GRAMD1B: variants seen among roughly 807,000 people sequenced by gnomAD.
GRAMD1B encodes the protein GRAM domain containing 1B.
A neutral mutation model predicts 99.7 loss-of-function variants in GRAMD1B; 37 were observed. The ratio of observed to expected loss-of-function variants is 0.37; its 90% confidence interval spans 0.29 to 0.49. The LOEUF is 0.49. Ranked by LOEUF, GRAMD1B falls within the 20% of genes least tolerant of loss-of-function variation. The pLI is 0.98. For synonymous variants in GRAMD1B, 427 were observed against 387.6 expected, an observed-to-expected ratio of 1.10 and a Z score of -1.19; for missense variants, 888 against 1,009.2, an observed-to-expected ratio of 0.88 and a Z score of 1.63.
At chr11:123,377,610 G>A (rs1022556704) in intron 1 of GRAMD1B, among the ~76,000 whole-genome samples, 4 of 152,186 alleles carry the variant, frequency 2.6e-5, no homozygotes, top group African/African-American at 9.6e-5. Context: ...CTATTGTCCT[G>A]CTCTGTTTAT....
At position 123,439,204 on chromosome 11, in the gene GRAMD1B, C is replaced by T. The variant is rs796449255; in HGVS notation, c.374+8038C>T. ...GTGTCCTCTCAGAGGAGACTTGTTT[C>T]GGGTCTCTCAGGGACTCAGAACAGA... On this transcript the variant is annotated intron_variant, in intron 1 of 19. Transcript: ENST00000635736. Among the ~76,000 whole-genome samples the T allele has an allele frequency of 7.9e-5, 12 of 152,110 alleles. No individual in the cohort carries two copies. In the South Asian group the frequency reaches 1.0e-3, roughly 13 times the overall value.
intron 1 of GRAMD1B, among the ~76,000 whole-genome samples, chr11:123,408,319 G>T (rs1415257055): frequency 6.6e-6 from 1 of 152,184 alleles, no homozygotes; most frequent in Non-Finnish European, 1.5e-5. Flanking sequence ...AAAACCAGTT[G>T]GGATTTTTCT....
intron 1 of GRAMD1B, among the ~76,000 whole-genome samples, chr11:123,457,264 T>A (rs1950202754): frequency 6.6e-6 from 1 of 152,078 alleles, no homozygotes; most frequent in Non-Finnish European, 1.5e-5. Flanking sequence ...AGGACACACT[T>A]ATCAAATGAG....
intron 2 of GRAMD1B, among the ~76,000 whole-genome samples, chr11:123,563,839 C>T (rs1374462339): frequency 6.6e-6 from 1 of 152,030 alleles, no homozygotes; most frequent in Non-Finnish European, 1.5e-5. Context: ...GATTTCGTAC[C>T]CTGAATGTAT....
chr11:123,599,933 T>C (rs1000117779), intron 7 of GRAMD1B, among the ~76,000 whole-genome samples: 1 of 152,268 alleles, frequency 6.6e-6, no homozygotes, highest in Non-Finnish European at 1.5e-5. Flanking sequence ...TTGTGGTTGA[T>C]CAGTAAAATC....
chr11:123,472,421 G>A (rs953699767), intron 1 of GRAMD1B, among the ~76,000 whole-genome samples: 8 of 152,114 alleles, frequency 5.3e-5, no homozygotes, highest in African/African-American at 1.2e-4. Flanking sequence ...TGGCTCAAGC[G>A]TTCCTCCCAC....
At chr11:123,541,047 C>T (rs1020671508) in intron 2 of GRAMD1B, among the ~76,000 whole-genome samples, 2 of 152,124 alleles carry the variant, frequency 1.3e-5, no homozygotes, top group Non-Finnish European at 2.9e-5. Flanking sequence ...GATCTCGGCT[C>T]ATCGCAACCT....
intron 1 of GRAMD1B, among the ~76,000 whole-genome samples, chr11:123,415,969 T>G (rs1948220353): frequency 6.6e-6 from 1 of 152,232 alleles, no homozygotes; most frequent in Admixed American, 6.5e-5. Context: ...TACTGAGGTT[T>G]CTTTAGTTTT....
rs1249459835 is a variant in GRAMD1B at position 123,510,274 on chromosome 11, C to A, written c.452+29381C>A. On this transcript the variant is annotated intron_variant, in intron 2 of 19. Transcript: ENST00000635736. This position sits in a 1 kb window ranked among gnomAD's most constrained non-coding sequence, Gnocchi z 4.3. ...GCCAGCTGGCCTCTTCCCACATGCC[C>A]CCCTCATCCTGACCTGTGGGTACCA... 2.6e-5 allele frequency among the ~76,000 whole-genome samples: 4 copies of A among 152,168 alleles called. No individual in the cohort carries two copies. In the East Asian group the frequency reaches 5.8e-4, roughly 22 times the overall value.
At position 123,510,405 on chromosome 11, in the gene GRAMD1B, C is replaced by G. The variant is rs558333929; in HGVS notation, c.452+29512C>G. 6.6e-6 allele frequency among the ~76,000 whole-genome samples: 1 copy of G among 152,278 alleles called. No individual in the cohort carries two copies. The highest frequency in any genetic ancestry group is 6.5e-5 in the Admixed American group (1 of 15,306). The stretch of plus-strand genomic sequence containing the variant: ...TTCGCTCCTGGGAAGAAGTACCAGG[C>G]CAGGGGAGGTGCCCCCTGACTCAGC... On this transcript the variant is annotated intron_variant, in intron 2 of 19. Coordinates refer to ENST00000635736, the MANE Select transcript of GRAMD1B (RefSeq NM_001387025.1). This position sits in a 1 kb window ranked among gnomAD's most constrained non-coding sequence, Gnocchi z 4.3.
intron 1 of GRAMD1B, among the ~76,000 whole-genome samples, chr11:123,416,782 A>G (rs1420976784): frequency 6.6e-6 from 1 of 152,218 alleles, no homozygotes; most frequent in Non-Finnish European, 1.5e-5. Flanking sequence ...TGAAGTAACC[A>G]TGGACTTTTT....
intron 2 of GRAMD1B, among the ~76,000 whole-genome samples, chr11:123,559,372 C>A (rs569621761): frequency 6.6e-6 from 1 of 152,274 alleles, no homozygotes; most frequent in African/African-American, 2.4e-5. Context: ...TCTGGATTCC[C>A]AGCTCTGCCT....
At chr11:123,619,379 G>A (rs1954845910) in intron 19 of GRAMD1B, 155 bp downstream of exon 19, 1 of 1,505,376 alleles carries the variant, frequency 6.6e-7, no homozygotes, top group Non-Finnish European at 8.9e-7. Context: ...TAAATGGAAA[G>A]CCTTCCTTGA....
chr11:123,440,513 GAAAA>G, intron 1 of GRAMD1B, among the ~76,000 whole-genome samples: 1 of 150,518 alleles, frequency 6.6e-6, no homozygotes, highest in South Asian at 2.1e-4. Flanking sequence ...CGTCTCAAAA[GAAAA>G]AAAAAGTCAG....
intron 2 of GRAMD1B, among the ~76,000 whole-genome samples, chr11:123,551,504 G>A (rs1256650671): frequency 1.3e-5 from 2 of 152,148 alleles, no homozygotes; most frequent in Non-Finnish European, 2.9e-5. Flanking sequence ...GACTTCTACT[G>A]AGGCAGAGCC....
intron 1 of GRAMD1B, among the ~76,000 whole-genome samples, chr11:123,396,321 G>A (rs895692200): frequency 2.7e-5 from 4 of 150,456 alleles, no homozygotes; most frequent in Non-Finnish European, 5.9e-5. Context: ...TGTTGTCCAG[G>A]CTGGAGTGCA....
At chr11:123,384,893 A>C (rs913539475) in intron 1 of GRAMD1B, among the ~76,000 whole-genome samples, 27 of 152,214 alleles carry the variant, frequency 1.8e-4, no homozygotes, top group African/African-American at 6.5e-4. Context: ...GTAAAGCAAA[A>C]GAAACTATAA....
At chr11:123,599,142 AC>A in intron 7 of GRAMD1B, 1 of 802,876 alleles carries the variant, frequency 1.2e-6, no homozygotes, top group Non-Finnish European at 2.3e-6. Context: ...TGACATTGCC[AC>A]ATAGATCTCA....
intron 2 of GRAMD1B, among the ~76,000 whole-genome samples, chr11:123,552,381 G>T (rs1945712982): frequency 6.8e-6 from 1 of 147,898 alleles, no homozygotes; most frequent in African/African-American, 2.5e-5. Flanking sequence ...AGCCTCCAAT[G>T]CTCCTGCCTC....
Sources: gnomAD v4.1 joint callset for allele counts (sites outside exome capture counted in the v4.1 genomes callset) on GRCh38, gnomAD v4.1.1 for gene constraint, Gnocchi (gnomAD v3.1) non-coding constraint, MANE v1.5 for transcripts, NCBI Gene and HGNC (gene_info 2026-07-23, HGNC 2026-07-21) for gene names.